UBLCP1: variants seen among roughly 807,000 people sequenced by gnomAD.
UBLCP1 encodes the protein ubiquitin-like domain-containing CTD phosphatase 1.
In UBLCP1, 28 loss-of-function variants were observed where a neutral mutation model predicts 42.4. The observed-to-expected ratio is 0.66, with a 90% CI of 0.49 to 0.90. The LOEUF (loss-of-function observed/expected upper bound fraction) is 0.90, where lower values mean the gene tolerates loss of function less well. Among genes scored for constraint, UBLCP1 ranks in the 40% least tolerant of loss-of-function variants. UBLCP1 has a pLI of 0.00. For missense variants in UBLCP1, 279 were observed against 374.5 expected (o/e 0.75, Z 2.10); for synonymous variants, 122 against 120.8 (o/e 1.01, Z -0.07).
chr5:159,285,145 G>A lies in UBLCP1; in HGVS notation c.*214G>A, dbSNP rs756301919. ...GTCCCCTATATGAATATTCTGTTAC[G>A]CTTGAAAAATATTTTCTCCAGCGTT... On this transcript the variant is annotated 3_prime_UTR_variant, in exon 11 of 11. Transcript: ENST00000296786. 1.7e-5 allele frequency: 7 copies of A among 422,512 alleles called. No homozygotes were observed. The highest frequency in any genetic ancestry group is 4.2e-5 in the African/African-American group (2 of 47,768). 26.2% of individuals were successfully genotyped at this position (422,512 alleles called of 1,614,324 possible). A position where few individuals can be genotyped will look rare whatever the true frequency, so the allele number is the denominator to read the frequency against.
intron 9 of UBLCP1, among the ~76,000 whole-genome samples, chr5:159,278,672 A>C (rs1438247949): frequency 6.6e-6 from 1 of 152,102 alleles, no homozygotes; most frequent in African/African-American, 2.4e-5. Flanking sequence ...TCCTGGGTTC[A>C]AGTGATTCTC....
Position 159,268,970 on chromosome 5 carries a change from C to T in UBLCP1, c.55C>T (p.Leu19Phe). The T allele has an allele frequency of 6.2e-7, 1 of 1,611,998 alleles. No individual in the cohort carries two copies. Among genetic ancestry groups the T allele is most frequent in the African/African-American group, 1.3e-5 (1 of 74,938 alleles). ...TGGACAGGAGTATTCAGTGACCACA[C>T]TTTCAGAAGATGATACTGTGCTCGA... Reference protein sequence around the residue: ...WGGQEYSVTTLSEDDTVLDLK... With the variant: ...WGGQEYSVTTFSEDDTVLDLK... The change falls in exon 2 of 11, where the codon CTT becomes TTT. Residue 19 changes from leucine (L) to phenylalanine (F), a missense_variant. Coordinates refer to ENST00000296786, the MANE Select transcript of UBLCP1 (RefSeq NM_145049.5).
At chr5:159,275,320 G>A in intron 8 of UBLCP1, 74 bp downstream of exon 8, 1 of 1,114,282 alleles carries the variant, frequency 9.0e-7, no homozygotes. Flanking sequence ...TTATACCTAT[G>A]GAGTAAATAG....
chr5:159,268,883 TGAAGG>T lies in UBLCP1; in HGVS notation c.-32_-28del. ...CTTCCTTTCCAGGTATTTTTTTTTC[TGAAGG>T]AAAGCTGCTTCCTCATATGTTTCAA... On this transcript the variant is annotated 5_prime_UTR_variant, in exon 2 of 11. Transcript: ENST00000296786. The T allele has an allele frequency of 1.9e-6, 3 of 1,590,202 alleles. No homozygotes were observed. Among genetic ancestry groups the T allele is most frequent in the African/African-American group, 1.4e-5 (1 of 73,310 alleles).
In UBLCP1 at chr5:159,278,366, T is replaced by G. The variant is rs199498783; in HGVS notation, c.801+12T>G. On this transcript the variant is annotated intron_variant, in intron 9 of 10. Coordinates refer to ENST00000296786, the MANE Select transcript of UBLCP1 (RefSeq NM_145049.5). ...AGAATGGACTAAAGGTAAGACATACTTTTACTTGTTATGTGCTCATGTAAT... is the reference window on the plus strand; with the variant it reads ...AGAATGGACTAAAGGTAAGACATACGTTTACTTGTTATGTGCTCATGTAAT... 3.9e-5 allele frequency: 60 copies of G among 1,528,440 alleles called. 1 individual carries two copies. Among genetic ancestry groups the G allele is most frequent in the Non-Finnish European group, 5.0e-5 (55 of 1,101,956 alleles). The allele number at this position is 1,528,440 out of a possible 1,614,324, so 94.7% of individuals were successfully genotyped here.
At chr5:159,281,272 A>G (rs1462337461) in intron 9 of UBLCP1, among the ~76,000 whole-genome samples, 1 of 152,226 alleles carries the variant, frequency 6.6e-6, no homozygotes, top group African/African-American at 2.4e-5. Flanking sequence ...TACATTATAT[A>G]TTAATTGCTT....
At chr5:159,276,098 G>T (rs1753532607) in intron 8 of UBLCP1, among the ~76,000 whole-genome samples, 1 of 152,182 alleles carries the variant, frequency 6.6e-6, no homozygotes, top group Admixed American at 6.5e-5. Flanking sequence ...ATAAAGAGAT[G>T]AGTGAGACAC....
At chr5:159,275,014 C>G (rs745705254) in intron 7 of UBLCP1, 134 bp from the exon 8 acceptor site, 111 of 715,564 alleles carry the variant, frequency 1.6e-4, no homozygotes, top group Non-Finnish European at 2.4e-4. Context: ...AAAATACTTC[C>G]TAGTTGTTTA....
intron 2 of UBLCP1, 22 bp downstream of exon 2, chr5:159,269,091 A>G (rs773701340): frequency 6.8e-6 from 10 of 1,481,022 alleles, no homozygotes; most frequent in Middle Eastern, 1.8e-4. Flanking sequence ...CCCTCTTCAG[A>G]TTTTTTGCAT....
intron 8 of UBLCP1, among the ~76,000 whole-genome samples, chr5:159,277,171 G>T (rs1004736494): frequency 6.6e-6 from 1 of 151,616 alleles, no homozygotes; most frequent in Non-Finnish European, 1.5e-5. Context: ...TTCATTTCGT[G>T]GGGGGAGTAG....
chr5:159,280,370 A>G (rs975110025), intron 9 of UBLCP1, among the ~76,000 whole-genome samples: 3 of 152,176 alleles, frequency 2.0e-5, no homozygotes, highest in African/African-American at 4.8e-5. Context: ...TGGCATGATC[A>G]GAGCTCATTG....
intron 9 of UBLCP1, among the ~76,000 whole-genome samples, chr5:159,280,416 T>C (rs1753594030): frequency 1.3e-5 from 2 of 152,246 alleles, no homozygotes; most frequent in South Asian, 2.1e-4. Context: ...GATCCTCACA[T>C]GTCAGCCTCC....
intron 6 of UBLCP1, among the ~76,000 whole-genome samples, chr5:159,272,495 C>T (rs1391475405): frequency 6.6e-6 from 1 of 151,850 alleles, no homozygotes; most frequent in African/African-American, 2.4e-5. Context: ...CTCAAGTGAT[C>T]CTCCTGCCTT....
intron 1 of UBLCP1, among the ~76,000 whole-genome samples, chr5:159,265,303 G>A (rs1198655823): frequency 6.6e-6 from 1 of 152,154 alleles, no homozygotes; most frequent in Non-Finnish European, 1.5e-5. Context: ...TGCATGAAGA[G>A]TGCAATCAAA....
chr5:159,268,853 T>C lies in UBLCP1; in HGVS notation c.-46-17T>C, dbSNP rs1171167041. On this transcript the variant is annotated splice_polypyrimidine_tract_variant and intron_variant, in intron 1 of 10. Coordinates refer to ENST00000296786, the MANE Select transcript of UBLCP1 (RefSeq NM_145049.5). Reference sequence around the variant, plus strand: ...CAGTATCTATTTTAACTTGTTCATTTTTGTCTTCCTTTCCAGGTATTTTTT... The same window carrying C: ...CAGTATCTATTTTAACTTGTTCATTCTTGTCTTCCTTTCCAGGTATTTTTT... The C allele has an allele frequency of 6.4e-7, 1 of 1,552,972 alleles. No individual in the cohort carries two copies. Among genetic ancestry groups the C allele is most frequent in the African/African-American group, 1.4e-5 (1 of 71,892 alleles).
intron 1 of UBLCP1, among the ~76,000 whole-genome samples, chr5:159,265,772 A>C (rs1020065534): frequency 6.6e-6 from 1 of 152,132 alleles, no homozygotes; most frequent in Non-Finnish European, 1.5e-5. Flanking sequence ...TTCTGCCATG[A>C]TTCTGAGGCC....
intron 10 of UBLCP1, 40 bp from the exon 11 acceptor site, chr5:159,284,864 G>C: frequency 6.2e-7 from 1 of 1,609,070 alleles, no homozygotes; most frequent in African/African-American, 1.3e-5. Context: ...CATGAATTTA[G>C]CATGATACAG....
chr5:159,267,376 A>G (rs1479792854), intron 1 of UBLCP1, among the ~76,000 whole-genome samples: 5 of 152,170 alleles, frequency 3.3e-5, no homozygotes, highest in Non-Finnish European at 5.9e-5. Context: ...TGGAATGGCT[A>G]TATTTACTCA....
chr5:159,274,341 T>G (rs766839189), intron 6 of UBLCP1: 3 of 334,524 alleles, frequency 9.0e-6, no homozygotes, highest in South Asian at 7.7e-5. Flanking sequence ...CAGAGTTCTT[T>G]TGAGCATGGA....
Sources: allele counts gnomAD v4.1 joint callset (sites outside exome capture counted in the v4.1 genomes callset), GRCh38; gene constraint gnomAD v4.1.1; transcripts MANE v1.5; gene names NCBI Gene and HGNC (gene_info 2026-07-23, HGNC 2026-07-21).